Variants in NEDD4 observed in about 807,000 individuals in gnomAD.
NEDD4 encodes E3 ubiquitin-protein ligase NEDD4.
Under a neutral mutation model 144.9 loss-of-function variants are expected in NEDD4, and 99 were observed. The observed-to-expected ratio is 0.68, with a 90% confidence interval of 0.58 to 0.81. The LOEUF is 0.81. Ranked by LOEUF, NEDD4 falls within the 30% of genes least tolerant of loss-of-function variation. The pLI, the probability that NEDD4 is intolerant of heterozygous loss-of-function variation, is 0.00. For missense variants in NEDD4, 985 were observed against 1,065.9 expected, an observed-to-expected ratio of 0.92 and a Z score of 1.06; for synonymous variants, 318 against 350.6, an observed-to-expected ratio of 0.91 and a Z score of 1.04.
At chr15:55,940,336 T>C (rs969912117) in intron 4 of NEDD4, among the ~76,000 whole-genome samples, 1 of 152,202 alleles carries the variant, frequency 6.6e-6, no homozygotes, top group African/African-American at 2.4e-5. Flanking sequence ...CACAGCTGTA[T>C]GCATATGTTT....
chr15:55,838,987 C>A (rs1223105006), intron 21 of NEDD4, among the ~76,000 whole-genome samples: 2 of 151,864 alleles, frequency 1.3e-5, no homozygotes, highest in Non-Finnish European at 2.9e-5. Context: ...TCCTCATATG[C>A]CTATGTGACT....
At chr15:55,861,644 T>A (rs1199989739) in intron 9 of NEDD4, among the ~76,000 whole-genome samples, 1 of 152,092 alleles carries the variant, frequency 6.6e-6, no homozygotes, top group Non-Finnish European at 1.5e-5. Context: ...AAACCTCTCA[T>A]GTACCCCACA....
chr15:55,965,689 T>TGTATGTAG (rs2037500915), intron 2 of NEDD4, among the ~76,000 whole-genome samples: 1 of 152,028 alleles, frequency 6.6e-6, no homozygotes, highest in Non-Finnish European at 1.5e-5. Flanking sequence ...TATGTATGTA[T>TGTATGTAG]GCATGCATGT....
chr15:55,940,518 T>TTCTCTCTCTCTCTCTCTCTC lies in NEDD4; in HGVS notation c.237+10838_237+10857dup, dbSNP rs60338644. On this transcript the variant is annotated intron_variant, in intron 4 of 28. Transcript: ENST00000435532. The stretch of plus-strand genomic sequence containing the variant: ...CTCCTTCCTCCTTCCCTCCTCCCCC[T>TTCTCTCTCTCTCTCTCTCTC]TCTCTCTCTCTCTCTCTCTCTCTCT... 7.9e-4 allele frequency among the ~76,000 whole-genome samples: 84 copies of TTCTCTCTCTCTCTCTCTCTC among 106,290 alleles called. 3 individuals carry two copies. Among genetic ancestry groups the TTCTCTCTCTCTCTCTCTCTC allele is most frequent in the East Asian group, 2.7e-3 (9 of 3,300 alleles). The allele number at this position is 106,290 out of a possible 152,430, so 69.7% of individuals were successfully genotyped here.
At chr15:55,897,122 C>T (rs1298768740) in intron 5 of NEDD4, among the ~76,000 whole-genome samples, 4 of 151,982 alleles carry the variant, frequency 2.6e-5, no homozygotes, top group African/African-American at 7.3e-5. Flanking sequence ...TATAGGTGCC[C>T]GCCACCATGC....
At chr15:55,929,488 TCCTCTAC>T (rs1263056294) in intron 4 of NEDD4, among the ~76,000 whole-genome samples, 1 of 152,104 alleles carries the variant, frequency 6.6e-6, no homozygotes, top group Non-Finnish European at 1.5e-5. Context: ...CCTCCTCCTC[TCCTCTAC>T]CCTCAAGCAG....
At chr15:55,951,228 G>A in intron 4 of NEDD4, 148 bp downstream of exon 4, 1 of 431,018 alleles carries the variant, frequency 2.3e-6, no homozygotes, top group Non-Finnish European at 4.1e-6. Context: ...TTTTTTATAA[G>A]ACAAAATTTC....
At chr15:55,956,668 A>G (rs551569718) in intron 2 of NEDD4, among the ~76,000 whole-genome samples, 4 of 152,300 alleles carry the variant, frequency 2.6e-5, no homozygotes, top group African/African-American at 7.2e-5. Context: ...ACTGAACAAT[A>G]TATCTATTCT....
intron 5 of NEDD4, among the ~76,000 whole-genome samples, chr15:55,919,699 T>C (rs935758372): frequency 1.3e-5 from 2 of 152,182 alleles, no homozygotes; most frequent in Non-Finnish European, 2.9e-5. Flanking sequence ...TAGAATTTCA[T>C]ATTCCGGAAT....
intron 8 of NEDD4, among the ~76,000 whole-genome samples, chr15:55,866,212 C>G (rs142716772): frequency 2.7e-3 from 414 of 151,236 alleles, no homozygotes; most frequent in Non-Finnish European, 4.5e-3. Flanking sequence ...CTGTGCCCAA[C>G]CTTTCTTCTT....
At chr15:55,918,567 C>T (rs1438081544) in intron 5 of NEDD4, among the ~76,000 whole-genome samples, 2 of 142,986 alleles carry the variant, frequency 1.4e-5, no homozygotes, top group Non-Finnish European at 3.0e-5. Context: ...ATATGTAAAA[C>T]ATATACTCAT....
chr15:55,924,633 CA>C lies in NEDD4; in HGVS notation c.291+12del. On this transcript the variant is annotated intron_variant, in intron 5 of 28. Coordinates refer to ENST00000435532, the MANE Select transcript of NEDD4 (RefSeq NM_006154.4). The stretch of plus-strand genomic sequence containing the variant: ...CCTTACTTCATATTTCATATAAGCA[CA>C]ATATAACTTACCAATCGGTTTTCGT... The C allele has an allele frequency of 6.2e-7, 1 of 1,602,812 alleles. No individual in the cohort carries two copies. The highest frequency in any genetic ancestry group is 8.5e-7 in the Non-Finnish European group (1 of 1,173,682).
rs1314638326 is a variant in NEDD4, at chr15:55,840,610, C to T, written c.1956G>A (p.Leu652=). 7 of 1,613,852 alleles carry T rather than the reference C, an allele frequency of 4.3e-6. No homozygotes were observed. Among genetic ancestry groups the T allele is most frequent in the Non-Finnish European group, 5.1e-6 (6 of 1,179,978 alleles). Residue 652 remains leucine (L), a synonymous_variant, in exon 20 of 29, where the codon TTG becomes TTA. Coordinates refer to ENST00000435532, the MANE Select transcript of NEDD4 (RefSeq NM_006154.4). ...AAGTTTATACTTAATACTAACCATC[C>T]AACAGTTTGCCATGATAAACTGCCA... is the stretch of plus-strand genomic sequence containing the variant. ...AGMAVYHGKL[L]DGFFIRPFYK...
intron 5 of NEDD4, among the ~76,000 whole-genome samples, chr15:55,883,696 A>AACACAC (rs3049242): frequency 6.0e-4 from 67 of 112,252 alleles, no homozygotes; most frequent in Middle Eastern, 4.4e-3. Context: ...CACACACACA[A>AACACAC]ACACACACAC....
At chr15:55,963,066 T>C (rs2037451117) in intron 2 of NEDD4, among the ~76,000 whole-genome samples, 3 of 152,038 alleles carry the variant, frequency 2.0e-5, no homozygotes, top group South Asian at 2.1e-4. Flanking sequence ...ATTACAGGCG[T>C]GAGCTACCAC....
intron 5 of NEDD4, among the ~76,000 whole-genome samples, chr15:55,886,033 C>A (rs1232869012): frequency 6.6e-6 from 1 of 151,330 alleles, no homozygotes. Flanking sequence ...AAACGGAAAT[C>A]AAAAAAGGGC....
intron 5 of NEDD4, among the ~76,000 whole-genome samples, chr15:55,882,894 C>G (rs2035245618): frequency 6.6e-6 from 1 of 152,160 alleles, no homozygotes; most frequent in Non-Finnish European, 1.5e-5. Flanking sequence ...CAGCAGTAAC[C>G]AGATAGTATA....
intron 1 of NEDD4, chr15:55,987,105 C>T (rs1317735866): frequency 1.6e-5 from 2 of 123,722 alleles, no homozygotes; most frequent in African/African-American, 3.2e-5. Flanking sequence ...AAAAGTGTTC[C>T]TATTTCTCCA....
At position 55,903,285 on chromosome 15, in the gene NEDD4, C is replaced by T. The variant is rs191605445; in HGVS notation, c.291+21361G>A. Among the ~76,000 whole-genome samples, 124 of 152,090 alleles carry T rather than the reference C, an allele frequency of 8.2e-4. 3 individuals are homozygous for T. In the East Asian group the frequency reaches 0.022, roughly 27 times the overall value. ...TATCCTGTAGGATTCTCCCAGTGCCCGATGAGAGTCCTTTTGGCTAGTGGT... is the reference window on the plus strand; with the variant it reads ...TATCCTGTAGGATTCTCCCAGTGCCTGATGAGAGTCCTTTTGGCTAGTGGT... On this transcript the variant is annotated intron_variant, in intron 5 of 28. Transcript: ENST00000435532.
Sources: allele counts gnomAD v4.1 joint callset (sites outside exome capture counted in the v4.1 genomes callset), GRCh38; gene constraint gnomAD v4.1.1; transcripts MANE v1.5; gene names NCBI Gene and HGNC (gene_info 2026-07-23, HGNC 2026-07-21).